The following PRKDC variants were observed in gnomAD, a reference collection of about 807,000 sequenced individuals.
The protein encoded by PRKDC is protein kinase, DNA-activated, catalytic subunit.
Under a neutral mutation model 486.9 loss-of-function variants are expected in PRKDC, and 82 were observed. That is an observed-to-expected ratio of 0.17 (90% CI 0.14 to 0.20). The LOEUF is 0.20. Ranked by LOEUF, PRKDC falls within the 10% of genes least tolerant of loss-of-function variation. The probability of loss-of-function intolerance (pLI) is 1.00; values close to 1 mark genes in which losing one functional copy is unlikely to be tolerated. For missense variants in PRKDC, 4,504 were observed against 5,038.2 expected (o/e 0.89, Z 3.21); for synonymous variants, 1,895 against 1,837.0 (o/e 1.03, Z -0.81).
intron 77 of PRKDC, 36 bp from the exon 78 acceptor site, chr8:47,783,845 GT>G: frequency 6.3e-7 from 1 of 1,593,834 alleles, no homozygotes; most frequent in South Asian, 1.1e-5. Context: ...GGAACAGCTT[GT>G]TAGACAACCG....
intron 7 of PRKDC, among the ~76,000 whole-genome samples, 186 bp downstream of exon 7, chr8:47,953,434 G>C (rs935055182): frequency 1.3e-5 from 2 of 152,244 alleles, no homozygotes; most frequent in Non-Finnish European, 2.9e-5. Context: ...CCACCTTGCT[G>C]TTGTGCTGTA....
intron 55 of PRKDC, 120 bp from the exon 56 acceptor site, chr8:47,839,366 G>C (rs2088094169): frequency 2.8e-6 from 2 of 723,672 alleles, no homozygotes. Flanking sequence ...TTAGACTTTA[G>C]ATCTCCAAAT....
At chr8:47,949,831 A>C (rs1217545263) in intron 7 of PRKDC, among the ~76,000 whole-genome samples, 1 of 152,238 alleles carries the variant, frequency 6.6e-6, no homozygotes, top group Non-Finnish European at 1.5e-5. Flanking sequence ...GCAAGGAAGA[A>C]GGCATGGGTA....
chr8:47,775,103 CT>C (rs2086582164), intron 85 of PRKDC, among the ~76,000 whole-genome samples: 1 of 151,894 alleles, frequency 6.6e-6, no homozygotes, highest in Non-Finnish European at 1.5e-5. Context: ...AGGAGGATCG[CT>C]TGAACCCAGG....
chr8:47,812,955 T>C (rs2087363866), intron 68 of PRKDC, among the ~76,000 whole-genome samples: 1 of 151,898 alleles, frequency 6.6e-6, no homozygotes, highest in Admixed American at 6.5e-5. Context: ...GTGAACATTA[T>C]ACCAATAATT....
chr8:47,871,513 T>C (rs2154501028), intron 40 of PRKDC, among the ~76,000 whole-genome samples: 1 of 152,348 alleles, frequency 6.6e-6, no homozygotes, highest in South Asian at 2.1e-4. Context: ...CATGAAGACT[T>C]TCCCAGAAAA....
intron 36 of PRKDC, among the ~76,000 whole-genome samples, chr8:47,884,947 C>T (rs999003250): frequency 1.1e-4 from 16 of 152,188 alleles, no homozygotes; most frequent in Admixed American, 2.0e-4. Context: ...AGAGGTCTAC[C>T]GGGGTGCAGA....
intron 40 of PRKDC, among the ~76,000 whole-genome samples, chr8:47,866,351 A>G (rs1001346892): frequency 6.6e-6 from 1 of 152,112 alleles, no homozygotes; most frequent in Admixed American, 6.6e-5. Context: ...TTTATAGGCC[A>G]CCCACTCTGT....
chr8:47,902,865 T>C, intron 26 of PRKDC, 70 bp from the exon 27 acceptor site: 1 of 1,204,206 alleles, frequency 8.3e-7, no homozygotes, highest in Non-Finnish European at 1.1e-6. Flanking sequence ...ACCCTTGGTC[T>C]ATCTCTGAGC....
intron 20 of PRKDC, 144 bp downstream of exon 20, chr8:47,927,627 G>A (rs2090175489): frequency 8.9e-7 from 1 of 1,122,502 alleles, no homozygotes; most frequent in Non-Finnish European, 1.2e-6. Flanking sequence ...CCCAAAGCCA[G>A]TAAGTGGCAG....
chr8:47,930,045 A>G (rs760999162), intron 17 of PRKDC, 33 bp from the exon 18 acceptor site: 1 of 1,562,428 alleles, frequency 6.4e-7, no homozygotes, highest in Non-Finnish European at 8.7e-7. Flanking sequence ...GAAGGTAGAA[A>G]TTTGTATCAT....
rs766042582 is a variant in PRKDC, at chr8:47,782,280, G to A, written c.11397-26C>T. ...CTGAAAGGGAGAATAAAAGGTTAAC[G>A]AGTAAACCCAAACTGCTCTTTCTTC... is the stretch of plus-strand genomic sequence containing the variant. On this transcript the variant is annotated intron_variant, in intron 79 of 85. Transcript: ENST00000314191. The surrounding 1 kb of genome is among the most constrained non-coding windows in gnomAD (Gnocchi z 4.9). 3.1e-6 allele frequency: 5 copies of A among 1,610,258 alleles called. No individual in the cohort carries two copies. The highest frequency in any genetic ancestry group is 4.2e-6 in the Non-Finnish European group (5 of 1,176,616).
chr8:47,828,333 A>C lies in PRKDC; in HGVS notation c.8412T>G (p.Ile2804Met). ...LQAVAQRDPI[I>M]AKQLFSSLFS... ...ACAAGCTGCTAAAGAGCTGTTTTGCAATTATTGGGTCCCTCTGTAAAAAAT... is the reference window on the plus strand; with the variant it reads ...ACAAGCTGCTAAAGAGCTGTTTTGCCATTATTGGGTCCCTCTGTAAAAAAT... The change falls in exon 62 of 86, where the codon ATT (isoleucine) becomes ATG (methionine). Residue 2804 changes from isoleucine (I) to methionine (M), a missense_variant. Around this residue, in one of 6 missense-constraint regions of PRKDC, gnomAD observed 1,592 missense variants for 1,724.6 expected, o/e 0.92. Coordinates refer to ENST00000314191, the MANE Select transcript of PRKDC (RefSeq NM_006904.7). The C allele has an allele frequency of 6.4e-7, 1 of 1,571,430 alleles. No homozygotes were observed. The highest frequency in any genetic ancestry group is 8.6e-7 in the Non-Finnish European group (1 of 1,160,156).
intron 63 of PRKDC, among the ~76,000 whole-genome samples, chr8:47,826,418 T>C (rs976171949): frequency 6.6e-6 from 1 of 152,224 alleles, no homozygotes; most frequent in African/African-American, 2.4e-5. Flanking sequence ...AATCATATAC[T>C]GAAAGAAATC....
At chr8:47,903,198 GAAT>G (rs2089718422) in intron 26 of PRKDC, among the ~76,000 whole-genome samples, 2 of 152,150 alleles carry the variant, frequency 1.3e-5, no homozygotes, top group Admixed American at 6.5e-5. Flanking sequence ...AAGTCAAAGA[GAAT>G]AAGACCCTTT....
chr8:47,788,531 G>A (rs2086831112), intron 76 of PRKDC, among the ~76,000 whole-genome samples: 1 of 152,148 alleles, frequency 6.6e-6, no homozygotes, highest in Non-Finnish European at 1.5e-5. Flanking sequence ...CCAGAACTGT[G>A]CCCCGAACTA....
chr8:47,900,624 G>A (rs1189470454), intron 27 of PRKDC, among the ~76,000 whole-genome samples, 157 bp from the exon 28 acceptor site: 1 of 152,222 alleles, frequency 6.6e-6, no homozygotes, highest in Non-Finnish European at 1.5e-5. Flanking sequence ...CACTTTGGGA[G>A]GCCGAGGCAG....
At chr8:47,846,722 T>C (rs1252086899) in intron 54 of PRKDC, among the ~76,000 whole-genome samples, 1 of 152,154 alleles carries the variant, frequency 6.6e-6, no homozygotes, top group Admixed American at 6.5e-5. Flanking sequence ...ACTATTCCTC[T>C]TCTCTGATGG....
chr8:47,813,178 C>T (rs2087371802), intron 68 of PRKDC, among the ~76,000 whole-genome samples: 2 of 151,556 alleles, frequency 1.3e-5, no homozygotes, highest in Non-Finnish European at 2.9e-5. Flanking sequence ...AATGCAATGG[C>T]ACGATCTCTG....
Sources: allele counts gnomAD v4.1 joint callset (sites outside exome capture counted in the v4.1 genomes callset), GRCh38; gene constraint gnomAD v4.1.1; regional missense constraint gnomAD v4.1.1; non-coding constraint Gnocchi (gnomAD v3.1); transcripts MANE v1.5; gene names NCBI Gene and HGNC (gene_info 2026-07-23, HGNC 2026-07-21).